The following FER1L6 variants were observed in gnomAD, a reference collection of about 807,000 sequenced individuals.
FER1L6 encodes the protein fer-1 like family member 6.
In FER1L6, 177 loss-of-function variants were observed where a neutral mutation model predicts 219.2. That is an observed-to-expected ratio of 0.81 (90% CI 0.71 to 0.91). The LOEUF (loss-of-function observed/expected upper bound fraction) is 0.91, where lower values mean the gene tolerates loss of function less well. Among genes scored for constraint, FER1L6 ranks in the 40% least tolerant of loss-of-function variants. FER1L6 has a pLI of 0.00. For synonymous variants in FER1L6, 768 were observed against 824.3 expected (o/e 0.93, Z 1.17); for missense variants, 2,153 against 2,259.9 (o/e 0.95, Z 0.96).
intron 32 of FER1L6, among the ~76,000 whole-genome samples, chr8:124,077,233 C>T (rs1418729703): frequency 6.6e-6 from 1 of 152,202 alleles, no homozygotes; most frequent in African/African-American, 2.4e-5. Context: ...TGTAAAGCAC[C>T]TAGCACATCA....
chr8:123,942,593 C>T (rs1228290572), intron 1 of FER1L6, among the ~76,000 whole-genome samples: 1 of 152,168 alleles, frequency 6.6e-6, no homozygotes, highest in Non-Finnish European at 1.5e-5. Flanking sequence ...TCTGGTGGCT[C>T]CTTTGTTCCT....
intron 24 of FER1L6, 73 bp from the exon 25 acceptor site, chr8:124,061,779 A>T: frequency 4.1e-6 from 6 of 1,451,082 alleles, no homozygotes; most frequent in Non-Finnish European, 5.7e-6. Context: ...GGGAGACTGG[A>T]TGCCCAGCTG....
chr8:124,019,847 C>G lies in FER1L6; in HGVS notation c.2014-1703C>G, dbSNP rs539569398. On this transcript the variant is annotated intron_variant, in intron 16 of 40. Coordinates refer to ENST00000522917, the MANE Select transcript of FER1L6 (RefSeq NM_001039112.2). ...GGAAATTCTAAGAAGCCACTGGGAT[C>G]AGGAAAACATGGGGGAATGTAATAC... is the stretch of plus-strand genomic sequence containing the variant. 2.6e-5 allele frequency among the ~76,000 whole-genome samples: 4 copies of G among 152,278 alleles called. No homozygotes were observed. In the East Asian group the frequency reaches 7.7e-4, roughly 29 times the overall value.
intron 3 of FER1L6, among the ~76,000 whole-genome samples, 172 bp downstream of exon 3, chr8:123,963,570 T>G (rs568002367): frequency 2.4e-4 from 37 of 152,326 alleles, no homozygotes; most frequent in African/African-American, 8.4e-4. Flanking sequence ...ATGGCAGTGC[T>G]GGCCTCTTGA....
intron 28 of FER1L6, among the ~76,000 whole-genome samples, chr8:124,068,145 G>A (rs1178263945): frequency 2.0e-5 from 3 of 152,216 alleles, no homozygotes; most frequent in Non-Finnish European, 4.4e-5. Flanking sequence ...TGTTAGAGGT[G>A]AGTTCCAAAA....
chr8:124,118,703 CA>C (rs1352384192), intron 39 of FER1L6, 140 bp from the exon 40 acceptor site: 1 of 724,328 alleles, frequency 1.4e-6, no homozygotes, highest in East Asian at 2.7e-5. Flanking sequence ...CCAAAAAAAG[CA>C]ACAACATTTA....
intron 1 of FER1L6, among the ~76,000 whole-genome samples, chr8:123,950,781 C>A (rs1814725868): frequency 6.6e-6 from 1 of 152,166 alleles, no homozygotes; most frequent in Admixed American, 6.5e-5. Context: ...ACACAGTATG[C>A]AAGAATGAAC....
chr8:123,870,149 G>A (rs1222028748), intron 1 of FER1L6, among the ~76,000 whole-genome samples: 3 of 152,178 alleles, frequency 2.0e-5, no homozygotes, highest in Non-Finnish European at 4.4e-5. Context: ...ACCTAACAAA[G>A]CCAATTGCTG....
rs948451362 is a variant in FER1L6, at chr8:124,111,257, T to A, written c.5290-7587T>A. 6.6e-6 allele frequency among the ~76,000 whole-genome samples: 1 copy of A among 152,230 alleles called. No homozygotes were observed. The highest frequency in any genetic ancestry group is 1.9e-4 in the East Asian group (1 of 5,192). ...TAAGCCTCTCATTTTTAATTTTTAT[T>A]TGTTGCCCTTACACCTCCTAAAGGG... is the stretch of plus-strand genomic sequence containing the variant. On this transcript the variant is annotated intron_variant, in intron 39 of 40. Coordinates refer to ENST00000522917, the MANE Select transcript of FER1L6 (RefSeq NM_001039112.2). The surrounding 1 kb of genome is among the most constrained non-coding windows in gnomAD (Gnocchi z 5.0).
intron 1 of FER1L6, among the ~76,000 whole-genome samples, chr8:123,919,130 A>G (rs1412735650): frequency 6.6e-6 from 1 of 152,136 alleles, no homozygotes; most frequent in Non-Finnish European, 1.5e-5. Context: ...TTGGGAAGGA[A>G]GGGAGGGGGC....
chr8:124,036,725 G>T (rs551426689), intron 19 of FER1L6, among the ~76,000 whole-genome samples: 1 of 152,268 alleles, frequency 6.6e-6, no homozygotes, highest in South Asian at 2.1e-4. Flanking sequence ...GGATGTGATT[G>T]CTATCCCAGC....
At chr8:123,955,624 G>T (rs534928015) in intron 1 of FER1L6, among the ~76,000 whole-genome samples, 96 of 152,332 alleles carry the variant, frequency 6.3e-4, no homozygotes, top group Non-Finnish European at 1.2e-3. Flanking sequence ...CATCTGTAAG[G>T]TGGGCAGGAG....
chr8:124,116,526 A>G (rs1823253494), intron 39 of FER1L6, among the ~76,000 whole-genome samples: 1 of 151,638 alleles, frequency 6.6e-6, no homozygotes, highest in Admixed American at 6.6e-5. Flanking sequence ...CAAGTTATAA[A>G]GTGCTATAGC....
rs1046000761 is a variant in FER1L6, at chr8:123,995,825, C to T, written c.1520-7342C>T. ...ATTGCTATAAACATTCCTCTTAGTA[C>T]TGCTTTTGCTGTATCTTATGGGTTT... On this transcript the variant is annotated intron_variant, in intron 12 of 40. Coordinates refer to ENST00000522917, the MANE Select transcript of FER1L6 (RefSeq NM_001039112.2). 2.6e-5 allele frequency among the ~76,000 whole-genome samples: 4 copies of T among 152,124 alleles called. No homozygotes were observed. The East Asian group carries it at 7.7e-4, about 29-fold the overall frequency.
At chr8:123,966,098 T>C (rs1815522356) in intron 4 of FER1L6, 37 bp downstream of exon 4, 2 of 1,613,698 alleles carry the variant, frequency 1.2e-6, no homozygotes, top group Non-Finnish European at 1.7e-6. Flanking sequence ...CCTCCCCCAG[T>C]GCTTCCTGTG....
At chr8:124,069,692 CTTAAA>C (rs1401960022) in intron 29 of FER1L6, among the ~76,000 whole-genome samples, 1 of 152,164 alleles carries the variant, frequency 6.6e-6, no homozygotes, top group African/African-American at 2.4e-5. Flanking sequence ...AGGGGTGTAA[CTTAAA>C]TTGTTTAATG....
intron 26 of FER1L6, among the ~76,000 whole-genome samples, 173 bp downstream of exon 26, chr8:124,064,746 A>G (rs553610739): frequency 4.6e-5 from 7 of 152,342 alleles, no homozygotes; most frequent in African/African-American, 1.7e-4. Flanking sequence ...CAGCTTTGTT[A>G]TAGGATCAGA....
chr8:123,883,531 G>C (rs1242132418), intron 1 of FER1L6, among the ~76,000 whole-genome samples: 1 of 152,190 alleles, frequency 6.6e-6, no homozygotes, highest in African/African-American at 2.4e-5. Context: ...GACATTTGAG[G>C]ACAAAATAAT....
At chr8:124,073,263 G>A (rs1821152790) in intron 31 of FER1L6, among the ~76,000 whole-genome samples, 1 of 152,166 alleles carries the variant, frequency 6.6e-6, no homozygotes, top group South Asian at 2.1e-4. Flanking sequence ...TCTAGGCAAA[G>A]GCCAGATAAA....
Sources: allele counts gnomAD v4.1 joint callset (sites outside exome capture counted in the v4.1 genomes callset), GRCh38; gene constraint gnomAD v4.1.1; non-coding constraint Gnocchi (gnomAD v3.1); transcripts MANE v1.5; gene names NCBI Gene and HGNC (gene_info 2026-07-23, HGNC 2026-07-21).